The following PHACTR4 variants were observed in gnomAD, a reference collection of about 807,000 sequenced individuals.
The protein encoded by PHACTR4 is phosphatase and actin regulator 4.
PHACTR4 carries 51 observed loss-of-function variants against 72.7 expected under a neutral mutation model. The observed-to-expected ratio is 0.70, with a 90% CI of 0.56 to 0.89. The LOEUF is 0.89. Ranked by LOEUF, PHACTR4 falls within the 40% of genes least tolerant of loss-of-function variation. PHACTR4 has a pLI of 0.00. For missense variants in PHACTR4, 731 were observed against 861.8 expected, an observed-to-expected ratio of 0.85 and a Z score of 1.90; for synonymous variants, 255 against 302.5, an observed-to-expected ratio of 0.84 and a Z score of 1.63.
rs1661555134 is a variant in PHACTR4, at chr1:28,499,601, T to C, written c.*3052T>C. On this transcript the variant is annotated 3_prime_UTR_variant, in exon 14 of 14. Transcript: ENST00000373839. ...CTCAAGCAATCCTCCCACTTCAGTC[T>C]AAGTAGCTGGGACTACAGGCACGTG... The C allele has an allele frequency of 6.6e-6, 1 of 152,258 alleles. No homozygotes were observed. Among genetic ancestry groups the C allele is most frequent in the African/African-American group, 2.4e-5 (1 of 41,448 alleles). The allele number at this position is 152,258 out of a possible 1,614,324, so 9.4% of individuals were successfully genotyped here.
rs1660217879 is a variant in PHACTR4, at chr1:28,480,570, G to C, written c.1726G>C (p.Glu576Gln). The C allele has an allele frequency of 6.2e-7, 1 of 1,614,080 alleles. No individual in the cohort carries two copies. Among genetic ancestry groups the C allele is most frequent in the Non-Finnish European group, 8.5e-7 (1 of 1,180,046 alleles). ...WPCKSKEEWN[E>Q]IRHQIGNTLI... is the part of the protein sequence containing the mutation. ...TTGTAAAAGCAAGGAGGAGTGGAAT[G>C]AAATACGGCACCAGATTGGAAACAC... is the stretch of plus-strand genomic sequence containing the variant. Residue 576 changes from glutamate to glutamine, a missense_variant, in exon 9 of 14, where the codon GAA becomes CAA. By Grantham distance (29) the Glu-to-Gln change is conservative. Around this residue, in one of 2 missense-constraint regions of PHACTR4, gnomAD observed 110 missense variants for 185.2 expected, o/e 0.59. Transcript: ENST00000373839.
At chr1:28,434,963 G>A (rs1172435417) in intron 2 of PHACTR4, among the ~76,000 whole-genome samples, 1 of 152,210 alleles carries the variant, frequency 6.6e-6, no homozygotes, top group South Asian at 2.1e-4. Context: ...AGATTAGAAG[G>A]TACTGTTTCT....
chr1:28,371,338 AGGCTGGAATGCAAT>A (rs1651231550), intron 1 of PHACTR4, among the ~76,000 whole-genome samples: 1 of 152,152 alleles, frequency 6.6e-6, no homozygotes, highest in African/African-American at 2.4e-5. Context: ...TTTGTTACCC[AGGCTGGAATGCAAT>A]GGCACGATCT....
intron 4 of PHACTR4, among the ~76,000 whole-genome samples, chr1:28,464,654 A>T (rs1473751940): frequency 6.6e-6 from 1 of 152,138 alleles, no homozygotes; most frequent in African/African-American, 2.4e-5. Context: ...AGAGCTCTTG[A>T]CATTTAACAT....
chr1:28,382,784 T>C (rs1460683549), intron 1 of PHACTR4, among the ~76,000 whole-genome samples: 2 of 151,928 alleles, frequency 1.3e-5, no homozygotes, highest in African/African-American at 4.8e-5. Context: ...ATCCCAGCAC[T>C]GTTTATTATT....
chr1:28,487,083 G>A (rs1191606512), intron 9 of PHACTR4, among the ~76,000 whole-genome samples: 2 of 151,874 alleles, frequency 1.3e-5, no homozygotes, highest in Non-Finnish European at 2.9e-5. Flanking sequence ...AAAATAAAAT[G>A]GGGCGGGGCA....
At position 28,474,058 on chromosome 1, in the gene PHACTR4, C is replaced by A; in HGVS notation, c.1328C>A (p.Ser443Ter). The stretch of plus-strand genomic sequence containing the variant: ...CTGGAGGGTTCTCACAGAGCTCATT[C>A]GTTGCTTTTTGAAAACAGTGACAGC... ...PILEGSHRAH[S>*]LLFENSDSFS... Residue 443 changes from serine (S) to a stop codon, truncating the protein, a stop_gained, in exon 7 of 14, where the codon TCG becomes TAG. Transcript: ENST00000373839. LOFTEE classifies it high-confidence loss of function. 6.2e-7 allele frequency: 1 copy of A among 1,614,156 alleles called. No individual in the cohort carries two copies. The highest frequency in any genetic ancestry group is 8.5e-7 in the Non-Finnish European group (1 of 1,180,038).
intron 2 of PHACTR4, chr1:28,453,766 A>G: frequency 1.0e-6 from 1 of 1,003,490 alleles, no homozygotes; most frequent in Non-Finnish European, 1.6e-6. Flanking sequence ...TTAAAAAAAG[A>G]GGTTTCAGCA....
chr1:28,490,298 G>A (rs911468680), intron 10 of PHACTR4, among the ~76,000 whole-genome samples: 1 of 152,228 alleles, frequency 6.6e-6, no homozygotes, highest in Non-Finnish European at 1.5e-5. Flanking sequence ...TATCTGGGCC[G>A]AGGCGAGTGG....
chr1:28,487,329 G>A (rs555837824), intron 9 of PHACTR4, among the ~76,000 whole-genome samples: 5 of 151,846 alleles, frequency 3.3e-5, no homozygotes, highest in African/African-American at 1.2e-4. Flanking sequence ...TCAAGCCACT[G>A]TATTCCAGCC....
intron 13 of PHACTR4, among the ~76,000 whole-genome samples, chr1:28,495,232 AAATAAGAT>A (rs1661272936): frequency 6.6e-6 from 1 of 152,216 alleles, no homozygotes; most frequent in Non-Finnish European, 1.5e-5. Flanking sequence ...CTACAGCAGG[AAATAAGAT>A]AAAGTCTCTG....
intron 1 of PHACTR4, among the ~76,000 whole-genome samples, chr1:28,395,430 C>T (rs184671776): frequency 6.8e-4 from 104 of 152,094 alleles, no homozygotes; most frequent in African/African-American, 1.7e-3. Flanking sequence ...TGGATTAGCA[C>T]GCAATGCTTT....
intron 7 of PHACTR4, among the ~76,000 whole-genome samples, chr1:28,474,510 G>A (rs369339764): frequency 4.8e-4 from 72 of 149,878 alleles, no homozygotes; most frequent in African/African-American, 1.7e-3. Flanking sequence ...GCGACAAAGC[G>A]AGTCTCTGTC....
chr1:28,409,802 C>G (rs796352346), intron 2 of PHACTR4, among the ~76,000 whole-genome samples: 9 of 151,978 alleles, frequency 5.9e-5, no homozygotes, highest in Non-Finnish European at 1.3e-4. Flanking sequence ...CTGCTTTTAA[C>G]GACCTTAGAT....
chr1:28,376,246 G>A (rs189063425), intron 1 of PHACTR4, among the ~76,000 whole-genome samples: 21 of 151,432 alleles, frequency 1.4e-4, no homozygotes, highest in Admixed American at 4.6e-4. Flanking sequence ...CTAGGAGGTG[G>A]AGGTTGCAAT....
chr1:28,419,974 A>C (rs952095086), intron 2 of PHACTR4, among the ~76,000 whole-genome samples: 1 of 152,166 alleles, frequency 6.6e-6, no homozygotes, highest in Non-Finnish European at 1.5e-5. Flanking sequence ...TAGGATCAAG[A>C]CCAGTTCTCT....
chr1:28,443,302 C>G (rs1657181551), intron 2 of PHACTR4, among the ~76,000 whole-genome samples: 1 of 151,558 alleles, frequency 6.6e-6, no homozygotes, highest in South Asian at 2.1e-4. Context: ...TTCTTTCGTT[C>G]TTTCGTCTCA....
chr1:28,408,656 GTA>G (rs1405736728), intron 2 of PHACTR4, among the ~76,000 whole-genome samples: 2 of 149,722 alleles, frequency 1.3e-5, no homozygotes, highest in Admixed American at 6.7e-5. Flanking sequence ...GTGTGTGTGT[GTA>G]TATATATATA....
intron 1 of PHACTR4, among the ~76,000 whole-genome samples, chr1:28,374,749 G>T (rs1310500991): frequency 6.6e-6 from 1 of 152,142 alleles, no homozygotes. Flanking sequence ...TCCCTCTTGG[G>T]GTTTACCTAC....
Sources: gnomAD v4.1 joint callset for allele counts (sites outside exome capture counted in the v4.1 genomes callset) on GRCh38, gnomAD v4.1.1 for gene constraint, gnomAD v4.1.1 regional missense constraint, MANE v1.5 for transcripts, NCBI Gene and HGNC (gene_info 2026-07-23, HGNC 2026-07-21) for gene names.